The following POLR2F variants were observed in gnomAD, a reference collection of about 807,000 sequenced individuals.
POLR2F encodes the protein RNA polymerase II, I and III subunit F.
POLR2F carries 12 observed loss-of-function variants against 22.7 expected under a neutral mutation model. That is an observed-to-expected ratio of 0.53 (90% confidence interval 0.34 to 0.86). The LOEUF is 0.86. Ranked by LOEUF, POLR2F falls within the 40% of genes least tolerant of loss-of-function variation. The pLI is 0.02. For missense variants in POLR2F, 126 were observed against 171.5 expected (o/e 0.73, Z 1.48); for synonymous variants, 57 against 66.0 (o/e 0.86, Z 0.66).
At chr22:38,039,006 A>C (rs570108424) in intron 5 of POLR2F, among the ~76,000 whole-genome samples, 2 of 151,690 alleles carry the variant, frequency 1.3e-5, no homozygotes, top group Non-Finnish European at 2.9e-5. Context: ...GAGTGGCAGG[A>C]CCCTCCCGTC....
At chr22:38,030,464 G>GC (rs5845363), downstream of POLR2F, among the ~76,000 whole-genome samples, 25,988 of 152,154 alleles carry the variant, frequency 0.17, 2,348 homozygotes, top group Middle Eastern at 0.25. Context: ...GCTCTCGGGA[G>GC]CCAGTGTGCG....
chr22:38,000,418 A>C (rs1418001493), intron 1 of POLR2F, among the ~76,000 whole-genome samples: 1 of 152,214 alleles, frequency 6.6e-6, no homozygotes, highest in Non-Finnish European at 1.5e-5. Context: ...CTAGGGGCCA[A>C]GTGGGCTGGG....
chr22:37,959,291 C>G (rs1169985245), intron 2 of POLR2F, 55 bp from the exon 3 acceptor site: 2 of 1,593,116 alleles, frequency 1.3e-6, no homozygotes, highest in Non-Finnish European at 1.7e-6. Flanking sequence ...ATCACTCTCC[C>G]TGTAACCCAA....
intron 1 of POLR2F, among the ~76,000 whole-genome samples, chr22:38,019,689 C>T (rs1432613651): frequency 6.6e-6 from 1 of 152,228 alleles, no homozygotes; most frequent in Non-Finnish European, 1.5e-5. Context: ...GCGGGGCCCA[C>T]AGCAGTCCAA....
chr22:37,977,346 A>T (rs956896808), intron 4 of POLR2F, among the ~76,000 whole-genome samples: 5 of 148,056 alleles, frequency 3.4e-5, no homozygotes, highest in African/African-American at 9.9e-5. Flanking sequence ...TTTGAGACAG[A>T]GTCTCGCTCT....
chr22:37,970,152 G>A (rs1340279578), downstream of POLR2F, among the ~76,000 whole-genome samples: 1 of 152,084 alleles, frequency 6.6e-6, no homozygotes, highest in Non-Finnish European at 1.5e-5. Flanking sequence ...AAATTAGCCA[G>A]GTGTGGTGGC....
At chr22:37,983,380 G>T, upstream of POLR2F, 1 of 1,609,248 alleles carries the variant, frequency 6.2e-7, no homozygotes, top group Non-Finnish European at 8.5e-7. The surrounding 1 kb of genome is among the most constrained non-coding windows in gnomAD (Gnocchi z 9.5). Context: ...CCAGCGTCTT[G>T]CTGAGCTCAG....
At chr22:38,021,658 T>C (rs192906307) in intron 1 of POLR2F, among the ~76,000 whole-genome samples, 32 of 151,218 alleles carry the variant, frequency 2.1e-4, no homozygotes, top group Admixed American at 2.0e-3. Flanking sequence ...GGTTTCACCA[T>C]GTTGGCCAGG....
At chr22:38,003,797 G>A (rs942003122) in intron 1 of POLR2F, among the ~76,000 whole-genome samples, 4 of 151,714 alleles carry the variant, frequency 2.6e-5, no homozygotes, top group Non-Finnish European at 4.4e-5. Context: ...GGCTGGTCTC[G>A]AACCCCTGAC....
upstream of POLR2F, chr22:37,983,603 C>T (rs748667317): frequency 1.2e-6 from 2 of 1,607,886 alleles, no homozygotes; most frequent in South Asian, 2.2e-5. This position sits in a 1 kb window ranked among gnomAD's most constrained non-coding sequence, Gnocchi z 9.5. Flanking sequence ...GTCCGCCTCG[C>T]CGTCCTGCTG....
At chr22:38,031,161 G>C (rs73886237), downstream of POLR2F, among the ~76,000 whole-genome samples, 1 of 152,130 alleles carries the variant, frequency 6.6e-6, no homozygotes, top group Non-Finnish European at 1.5e-5. This position sits in a 1 kb window ranked among gnomAD's most constrained non-coding sequence, Gnocchi z 4.1. Context: ...CTTCCAAGAC[G>C]CAGGGGTTAA....
chr22:38,022,551 CAAA>C (rs376987789), intron 1 of POLR2F, among the ~76,000 whole-genome samples: 2 of 55,834 alleles, frequency 3.6e-5, no homozygotes, highest in Non-Finnish European at 3.6e-5. Context: ...AACGCTGTCT[CAAA>C]AAAAAAAAAA....
exon 2 of POLR2F, chr22:38,026,088 C>A: frequency 1.9e-6 from 1 of 534,250 alleles, no homozygotes; most frequent in Non-Finnish European, 3.8e-6. Context: ...TGGAGGACTC[C>A]CCTCAGGTGC....
At chr22:38,009,871 A>C (rs1026455153) in intron 1 of POLR2F, among the ~76,000 whole-genome samples, 7 of 152,216 alleles carry the variant, frequency 4.6e-5, no homozygotes, top group African/African-American at 1.7e-4. Context: ...TTTATTACAG[A>C]AGAATATGTC....
intron 1 of POLR2F, among the ~76,000 whole-genome samples, chr22:37,954,550 C>T (rs1356336734): frequency 6.6e-6 from 1 of 152,198 alleles, no homozygotes; most frequent in African/African-American, 2.4e-5. Flanking sequence ...ATCCACCCGC[C>T]TCGGCCTCCC....
At position 38,025,644 on chromosome 22, in the gene POLR2F, C is replaced by G. The variant is rs1355220311; in HGVS notation, c.121-225C>G. On this transcript the variant is annotated intron_variant, in intron 1 of 2. Transcript: ENST00000333418. ...TACGCACTGGCCCACAGCCTAGGCT[C>G]TTTCAGCATCTCCTCCCGCTGACTT... 4 of 1,565,006 alleles carry G rather than the reference C, an allele frequency of 2.6e-6. No individual in the cohort carries two copies. The Admixed American group carries it at 5.8e-5, about 22-fold the overall frequency.
At chr22:38,039,010 T>TC (rs1009875139) in intron 5 of POLR2F, among the ~76,000 whole-genome samples, 1 of 152,004 alleles carries the variant, frequency 6.6e-6, no homozygotes, top group African/African-American at 2.4e-5. Context: ...GGCAGGACCC[T>TC]CCCGTCCCCA....
chr22:38,016,954 G>A lies in POLR2F; in HGVS notation c.121-8915G>A, dbSNP rs2084921092. On this transcript the variant is annotated intron_variant, in intron 1 of 2. Coordinates refer to the POLR2F transcript ENST00000333418. The surrounding 1 kb of genome is among the most constrained non-coding windows in gnomAD (Gnocchi z 4.4). ...GATGTGCCGGCAGCTGGGCGGCCGG[G>A]AGAGATGGAGCCAGGCCGGGGTGCC... Among the ~76,000 whole-genome samples the A allele has an allele frequency of 6.6e-6, 1 of 152,192 alleles. No homozygotes were observed. The highest frequency in any genetic ancestry group is 6.5e-5 in the Admixed American group (1 of 15,288).
At position 37,968,936 on chromosome 22, in the gene POLR2F, T is replaced by C. The variant is rs1285049676; in HGVS notation, c.*1221T>C. On this transcript the variant is annotated 3_prime_UTR_variant, in exon 5 of 5. Coordinates refer to ENST00000442738, the MANE Select transcript of POLR2F (RefSeq NM_021974.5). ...GTGGACTTCACACTCCCATCCACCC[T>C]CCTCCAAGCCTGTGGAATCCTTTAA... 8.1e-6 allele frequency: 8 copies of C among 985,314 alleles called. No individual in the cohort carries two copies. The highest frequency in any genetic ancestry group is 9.6e-6 in the Non-Finnish European group (8 of 829,934). 61.0% of individuals were successfully genotyped at this position (985,314 alleles called of 1,614,324 possible).
Sources: allele counts gnomAD v4.1 joint callset (sites outside exome capture counted in the v4.1 genomes callset), GRCh38; gene constraint gnomAD v4.1.1; non-coding constraint Gnocchi (gnomAD v3.1); transcripts MANE v1.5; gene names NCBI Gene and HGNC (gene_info 2026-07-23, HGNC 2026-07-21).